ASCC1: variants seen among roughly 807,000 people sequenced by gnomAD.
The protein encoded by ASCC1 is ASC-1 complex subunit P50.
Under a neutral mutation model 46.6 loss-of-function variants are expected in ASCC1, and 35 were observed. That is an observed-to-expected ratio of 0.75 (90% CI 0.57 to 0.99). The LOEUF (loss-of-function observed/expected upper bound fraction) is 0.99. ASCC1 is among the 50% of genes least tolerant of loss of function. ASCC1 has a pLI of 0.00. For synonymous variants in ASCC1, 143 were observed against 146.6 expected (o/e 0.98, Z 0.18); for missense variants, 376 against 428.7 (o/e 0.88, Z 1.09).
At chr10:72,131,642 A>T (rs759182740) in intron 8 of ASCC1, among the ~76,000 whole-genome samples, 30 of 152,220 alleles carry the variant, frequency 2.0e-4, no homozygotes, top group Non-Finnish European at 3.4e-4. Context: ...ATCACAAAAT[A>T]GTAGTATTTT....
intron 5 of ASCC1, among the ~76,000 whole-genome samples, chr10:72,171,190 C>G (rs929957371): frequency 1.3e-5 from 2 of 152,176 alleles, no homozygotes; most frequent in Non-Finnish European, 2.9e-5. Flanking sequence ...GGTGCTATAA[C>G]AAATTACCAC....
Position 72,096,155 on chromosome 10 carries a change from A to C in ASCC1, c.*1179T>G. On this transcript the variant is annotated 3_prime_UTR_variant, in exon 10 of 10. Coordinates refer to ENST00000672957, the MANE Select transcript of ASCC1 (RefSeq NM_001198800.3). The stretch of plus-strand genomic sequence containing the variant: ...TCAGAAGTGCAGTTAAAGAATATAA[A>C]GAGAGAAAGAATCAAGGCAAGAATA... 2.2e-6 allele frequency: 1 copy of C among 454,172 alleles called. No homozygotes were observed. Among genetic ancestry groups the C allele is most frequent in the Non-Finnish European group, 4.4e-6 (1 of 226,796 alleles). The allele number at this position is 454,172 out of a possible 1,614,324, so 28.1% of individuals were successfully genotyped here.
chr10:72,187,293 A>C (rs909582092), intron 5 of ASCC1, among the ~76,000 whole-genome samples: 2 of 152,238 alleles, frequency 1.3e-5, no homozygotes, highest in African/African-American at 4.8e-5. Flanking sequence ...ATAAATGCAA[A>C]GTTAGTCACT....
At chr10:72,176,278 G>C (rs555383109) in intron 5 of ASCC1, among the ~76,000 whole-genome samples, 3 of 152,136 alleles carry the variant, frequency 2.0e-5, no homozygotes, top group African/African-American at 7.2e-5. Flanking sequence ...CCTCCACACT[G>C]CCTTCAATTT....
intron 5 of ASCC1, among the ~76,000 whole-genome samples, chr10:72,194,213 C>G (rs1470931305): frequency 6.6e-6 from 1 of 151,760 alleles, no homozygotes; most frequent in Admixed American, 6.6e-5. Context: ...GATGCTCCTA[C>G]AAATAAATTT....
chr10:72,195,830 G>T (rs1791458043), intron 5 of ASCC1, among the ~76,000 whole-genome samples: 1 of 148,358 alleles, frequency 6.7e-6, no homozygotes, highest in Non-Finnish European at 1.5e-5. Context: ...GTGAAACGCT[G>T]TCTCAAAAAA....
At chr10:72,163,648 T>C (rs183779580) in intron 5 of ASCC1, among the ~76,000 whole-genome samples, 26 of 151,832 alleles carry the variant, frequency 1.7e-4, no homozygotes, top group Admixed American at 1.2e-3. Context: ...GGCAGGAGAA[T>C]TGCTTGAACC....
At chr10:72,151,436 G>A (rs1848311295) in intron 7 of ASCC1, among the ~76,000 whole-genome samples, 1 of 151,072 alleles carries the variant, frequency 6.6e-6, no homozygotes, top group Non-Finnish European at 1.5e-5. Flanking sequence ...CACACACCTG[G>A]ACCTGTTGTG....
In ASCC1 at chr10:72,096,372, C is replaced by T. The variant is rs559423245; in HGVS notation, c.*962G>A. 45 of 454,046 alleles carry T rather than the reference C, an allele frequency of 9.9e-5. No homozygotes were observed. Among genetic ancestry groups the T allele is most frequent in the African/African-American group, 8.8e-4 (44 of 50,102 alleles). 28.1% of individuals were successfully genotyped at this position (454,046 alleles called of 1,614,324 possible). ...CTGATATCATCAGTTTCTTTTGCTG[C>T]TGCCTTGAAAAGTAAACAAAAAAGG... On this transcript the variant is annotated 3_prime_UTR_variant, in exon 10 of 10. Transcript: ENST00000672957.
intron 5 of ASCC1, chr10:72,190,328 G>A (rs1351683130): frequency 1.0e-6 from 1 of 989,662 alleles, no homozygotes; most frequent in East Asian, 2.4e-5. Context: ...TTGGATTGGT[G>A]AAGATTCCAC....
intron 5 of ASCC1, among the ~76,000 whole-genome samples, chr10:72,178,584 A>G (rs149955065): frequency 8.1e-4 from 123 of 152,316 alleles, no homozygotes; most frequent in African/African-American, 2.8e-3. Flanking sequence ...ATTCTTCCCA[A>G]GAGCCTCCAG....
chr10:72,156,632 C>A (rs147154723), intron 6 of ASCC1, among the ~76,000 whole-genome samples: 1 of 151,910 alleles, frequency 6.6e-6, no homozygotes, highest in African/African-American at 2.4e-5. Flanking sequence ...ACTAGCCGGG[C>A]GTGGTGGCGG....
chr10:72,105,379 G>C (rs548806011), intron 9 of ASCC1, among the ~76,000 whole-genome samples: 36 of 152,330 alleles, frequency 2.4e-4, no homozygotes, highest in African/African-American at 8.7e-4. Context: ...AAAATGGCCA[G>C]CCAGATCCCA....
intron 5 of ASCC1, among the ~76,000 whole-genome samples, chr10:72,191,121 G>A (rs374123491): frequency 2.7e-5 from 4 of 149,618 alleles, no homozygotes; most frequent in Non-Finnish European, 5.9e-5. Flanking sequence ...GCAGTGGCGC[G>A]ATCTCGGCTC....
intron 9 of ASCC1, among the ~76,000 whole-genome samples, chr10:72,102,575 ACT>A (rs1423101008): frequency 1.3e-5 from 2 of 152,016 alleles, no homozygotes; most frequent in Non-Finnish European, 2.9e-5. Context: ...TTGTCTTTTG[ACT>A]CTGCTTATAA....
At chr10:72,182,115 A>G (rs753324138) in intron 5 of ASCC1, among the ~76,000 whole-genome samples, 1 of 152,226 alleles carries the variant, frequency 6.6e-6, no homozygotes, top group African/African-American at 2.4e-5. Context: ...AAAGGAGACT[A>G]GGAAGTTCTA....
At chr10:72,109,991 CCA>C (rs1842752646) in intron 9 of ASCC1, among the ~76,000 whole-genome samples, 1 of 152,186 alleles carries the variant, frequency 6.6e-6, no homozygotes, top group African/African-American at 2.4e-5. Context: ...AGAAGCCTTG[CCA>C]CAGGGCATGG....
upstream of ASCC1, chr10:72,217,047 T>G: frequency 2.2e-6 from 1 of 454,252 alleles, no homozygotes; most frequent in Non-Finnish European, 4.4e-6. Flanking sequence ...TGTCGTTTGT[T>G]CATCATTCAT....
intron 5 of ASCC1, among the ~76,000 whole-genome samples, chr10:72,172,730 T>C (rs1350203615): frequency 7.3e-6 from 1 of 137,784 alleles, no homozygotes; most frequent in Non-Finnish European, 1.5e-5. Context: ...ATTTTTATAT[T>C]ATATATATTA....
Sources: gnomAD v4.1 joint callset for allele counts (sites outside exome capture counted in the v4.1 genomes callset) on GRCh38, gnomAD v4.1.1 for gene constraint, MANE v1.5 for transcripts, NCBI Gene and HGNC (gene_info 2026-07-23, HGNC 2026-07-21) for gene names.